Variants in ANKRD36C observed in about 807,000 individuals in gnomAD.
ANKRD36C encodes ankyrin repeat domain-containing protein 36C.
A neutral mutation model predicts 276.4 loss-of-function variants in ANKRD36C; 61 were observed. The ratio of observed to expected loss-of-function variants is 0.22; its 90% CI spans 0.18 to 0.27. The LOEUF (loss-of-function observed/expected upper bound fraction) is 0.27. Ranked by LOEUF, ANKRD36C falls within the 10% of genes least tolerant of loss-of-function variation. The pLI, the probability that ANKRD36C is intolerant of heterozygous loss-of-function variation, is 1.00. For missense variants in ANKRD36C, 1,447 were observed against 2,032.3 expected (o/e 0.71, Z 5.54); for synonymous variants, 483 against 680.1 (o/e 0.71, Z 4.51).
intron 42 of ANKRD36C, 126 bp downstream of exon 46, chr2:95,910,247 T>C (rs1390949843): frequency 2.6e-6 from 3 of 1,147,874 alleles, no homozygotes; most frequent in African/African-American, 3.2e-5. Flanking sequence ...TTACTACAAA[T>C]GAAGAATCTC....
chr2:95,893,263 A>G (rs990452778), intron 44 of ANKRD36C, among the ~76,000 whole-genome samples: 1 of 151,176 alleles, frequency 6.6e-6, no homozygotes, highest in Non-Finnish European at 1.5e-5. Context: ...AAGCAAAACT[A>G]TGCTGTTCCC....
At chr2:95,910,602 T>G in intron 42 of ANKRD36C, 34 bp from the exon 45 acceptor site, 1 of 1,603,692 alleles carries the variant, frequency 6.2e-7, no homozygotes, top group South Asian at 1.1e-5. Context: ...ATCACTCATA[T>G]GTAAATATGA....
rs553883042 is a variant in ANKRD36C, at chr2:95,875,471, A to G, written c.3540+968T>C. On this transcript the variant is annotated intron_variant, in intron 59 of 66. Coordinates refer to ENST00000456556, the Ensembl canonical transcript of ANKRD36C. Reference sequence around the variant, plus strand: ...TGCATGTTCTCACTCATAGGTGGGAATTGAACAATGAGAACAGGTGGACAC... The same window carrying G: ...TGCATGTTCTCACTCATAGGTGGGAGTTGAACAATGAGAACAGGTGGACAC... Among the ~76,000 whole-genome samples the G allele has an allele frequency of 6.2e-3, 870 of 140,188 alleles. 6 individuals are homozygous for G. Among genetic ancestry groups the G allele is most frequent in the Admixed American group, 9.7e-3 (127 of 13,148 alleles). 92.0% of individuals were successfully genotyped at this position (140,188 alleles called of 152,430 possible).
At chr2:95,886,010 T>C (rs1676192719) in intron 52 of ANKRD36C, 38 bp downstream of exon 72, 1 of 1,581,982 alleles carries the variant, frequency 6.3e-7, no homozygotes, top group African/African-American at 1.3e-5. Context: ...TCTCTTCTAT[T>C]TGATCGAACA....
chr2:95,891,589 C>T, intron 46 of ANKRD36C, 76 bp downstream of exon 66: 1 of 1,478,486 alleles, frequency 6.8e-7, no homozygotes. Context: ...AACGAACCCC[C>T]CGCTGATTTA....
At chr2:95,980,149 G>C (rs190618956) in intron 5 of ANKRD36C, among the ~76,000 whole-genome samples, 9 of 152,168 alleles carry the variant, frequency 5.9e-5, no homozygotes, top group Admixed American at 2.0e-4. Flanking sequence ...GCAATGATTA[G>C]AATGTCCTTT....
At chr2:95,873,705 G>T (rs1390370672) in intron 59 of ANKRD36C, among the ~76,000 whole-genome samples, 4 of 152,180 alleles carry the variant, frequency 2.6e-5, no homozygotes, top group African/African-American at 9.7e-5. Flanking sequence ...AGGAAATAAA[G>T]GGTATTCAAT....
intron 19 of ANKRD36C, among the ~76,000 whole-genome samples, chr2:95,943,768 C>T (rs572425872): frequency 1.3e-5 from 2 of 151,896 alleles, no homozygotes; most frequent in Non-Finnish European, 2.9e-5. Flanking sequence ...ACACAGCATT[C>T]ACTAGATAAA....
At chr2:95,910,667 G>C (rs1483591532) in intron 42 of ANKRD36C, 99 bp from the exon 45 acceptor site, 29 of 1,579,126 alleles carry the variant, frequency 1.8e-5, no homozygotes, top group South Asian at 1.5e-4. Context: ...CCTCCTGCCT[G>C]TATTAGCGCA....
chr2:95,975,130 G>A (rs2104527470), intron 6 of ANKRD36C, among the ~76,000 whole-genome samples: 2 of 152,032 alleles, frequency 1.3e-5, no homozygotes, highest in South Asian at 4.2e-4. Flanking sequence ...AATAAAAGAG[G>A]ATACAAACAA....
chr2:95,986,091 C>T (rs1006777800), intron 3 of ANKRD36C, among the ~76,000 whole-genome samples: 15 of 152,166 alleles, frequency 9.9e-5, no homozygotes, highest in African/African-American at 3.6e-4. Flanking sequence ...CAAACTCTTT[C>T]CCAAAGTAAG....
At chr2:95,925,257 T>G (rs943323580) in intron 30 of ANKRD36C, 95 bp downstream of exon 30, 465 of 1,524,430 alleles carry the variant, frequency 3.1e-4, no homozygotes, top group Non-Finnish European at 3.8e-4. Flanking sequence ...AATCAGAAAG[T>G]GCATTTTCAA....
intron 39 of ANKRD36C, 25 bp downstream of exon 41, chr2:95,914,250 A>G (rs1331097066): frequency 2.6e-6 from 4 of 1,554,592 alleles, no homozygotes; most frequent in Non-Finnish European, 3.5e-6. Context: ...TTACTAGGTC[A>G]CAATATAAAT....
chr2:95,973,734 T>C (rs1678744876), intron 6 of ANKRD36C, among the ~76,000 whole-genome samples: 1 of 152,120 alleles, frequency 6.6e-6, no homozygotes. Context: ...GACTTTAAAC[T>C]CATTTTGGGG....
chr2:95,982,185 T>A, intron 4 of ANKRD36C, 71 bp downstream of exon 4: 2 of 1,225,518 alleles, frequency 1.6e-6, no homozygotes, highest in Non-Finnish European at 2.2e-6. Context: ...AATTTGTGAC[T>A]TCAGTGACCG....
At chr2:95,914,064 T>C (rs1677014129) in intron 40 of ANKRD36C, 44 bp downstream of exon 42, 3 of 1,508,386 alleles carry the variant, frequency 2.0e-6, no homozygotes, top group Non-Finnish European at 2.7e-6. Context: ...GAATTTCTTA[T>C]CTATCTCGAC....
At chr2:95,963,083 GAT>G (rs1276899730) in intron 6 of ANKRD36C, among the ~76,000 whole-genome samples, 1 of 152,042 alleles carries the variant, frequency 6.6e-6, no homozygotes, top group Non-Finnish European at 1.5e-5. Context: ...GATCAGCTTG[GAT>G]ATATGTTTGG....
Position 95,867,456 on chromosome 2 carries a change from A to C in ANKRD36C, c.3666T>G (p.His1222Gln), listed in dbSNP as rs529351628. 7 of 1,391,256 alleles carry C rather than the reference A, an allele frequency of 5.0e-6. No individual in the cohort carries two copies. In the African/African-American group the frequency reaches 1.0e-4, roughly 20 times the overall value. The allele number at this position is 1,391,256 out of a possible 1,614,324, so 86.2% of individuals were successfully genotyped here. A position where few individuals can be genotyped will look rare whatever the true frequency, so the allele number is the denominator to read the frequency against. The change falls in exon 60 of 67, where the codon CAT becomes CAG. Residue 1222 changes from histidine to glutamine, a missense_variant. By Grantham distance (24) the His-to-Gln change is conservative. Transcript: ENST00000456556. ...TGGTCCTACCTTTACACTTCATTTC[A>C]TGTTGATCAATGAGTAATATGACAT...
chr2:95,902,679 A>C (rs957873716), intron 42 of ANKRD36C, among the ~76,000 whole-genome samples: 5 of 150,202 alleles, frequency 3.3e-5, no homozygotes, highest in Admixed American at 6.7e-5. Context: ...CCCAATTTCA[A>C]TATGGGGAAG....
Sources: allele counts gnomAD v4.1 joint callset (sites outside exome capture counted in the v4.1 genomes callset), GRCh38; gene constraint gnomAD v4.1.1; transcripts MANE v1.5; gene names NCBI Gene and HGNC (gene_info 2026-07-23, HGNC 2026-07-21).